The following TMEM154 variants were observed in gnomAD, a reference collection of about 807,000 sequenced individuals.
TMEM154 encodes the protein transmembrane protein 154.
Under a neutral mutation model 24.5 loss-of-function variants are expected in TMEM154, and 27 were observed. The ratio of observed to expected loss-of-function variants is 1.10; its 90% CI spans 0.81 to 1.52. The LOEUF (loss-of-function observed/expected upper bound fraction) is 1.52. Ranked by LOEUF, TMEM154 falls within the 40% of genes most tolerant of loss-of-function variation. The pLI, the probability that TMEM154 is intolerant of heterozygous loss-of-function variation, is 0.00. For missense variants in TMEM154, 228 were observed against 213.4 expected (o/e 1.07, Z -0.43); for synonymous variants, 67 against 76.8 (o/e 0.87, Z 0.67).
chr4:152,663,781 A>G (rs1459952185), intron 1 of TMEM154, among the ~76,000 whole-genome samples: 1 of 152,278 alleles, frequency 6.6e-6, no homozygotes, highest in East Asian at 1.9e-4. Context: ...CAAAAATCTT[A>G]AGATCACTTG....
chr4:152,650,270 C>G (rs1302892710), intron 3 of TMEM154, among the ~76,000 whole-genome samples: 4 of 152,168 alleles, frequency 2.6e-5, no homozygotes, highest in African/African-American at 9.7e-5. Flanking sequence ...TCTCACAAAA[C>G]CTGCCGCTGC....
intron 3 of TMEM154, 86 bp from the exon 4 acceptor site, chr4:152,644,528 CAA>C: frequency 7.7e-7 from 1 of 1,301,454 alleles, no homozygotes; most frequent in East Asian, 2.3e-5. Context: ...GTCTCCTTTA[CAA>C]AGAGAGCAAA....
intron 6 of TMEM154, chr4:152,639,632 G>A (rs369413540): frequency 4.9e-4 from 74 of 151,976 alleles, no homozygotes; most frequent in African/African-American, 1.7e-3. Flanking sequence ...TTTAGAGACA[G>A]GGTCTTGCTC....
At chr4:152,669,680 T>G (rs1728787780) in intron 1 of TMEM154, 1 of 152,222 alleles carries the variant, frequency 6.6e-6, no homozygotes, top group Admixed American at 6.5e-5. Context: ...CATTTAGTGT[T>G]GTCAGGGAAT....
intron 3 of TMEM154, among the ~76,000 whole-genome samples, chr4:152,647,849 G>A (rs1728293484): frequency 6.6e-6 from 1 of 152,118 alleles, no homozygotes; most frequent in Admixed American, 6.5e-5. Flanking sequence ...TATTGAATTT[G>A]CCCATTTTAC....
chr4:152,631,082 T>C lies in TMEM154; in HGVS notation c.537-2521A>G, dbSNP rs530881899. 4.6e-5 allele frequency among the ~76,000 whole-genome samples: 7 copies of C among 152,348 alleles called. No homozygotes were observed. The South Asian group carries it at 1.4e-3, about 32-fold the overall frequency. On this transcript the variant is annotated intron_variant, in intron 6 of 6. Transcript: ENST00000304385. The stretch of plus-strand genomic sequence containing the variant: ...TTGCTACATCTTTGGAAACTTCCAA[T>C]AGTTACCTTTGCATGTATCTCTAGA...
chr4:152,629,611 G>C (rs1413863034), intron 6 of TMEM154, among the ~76,000 whole-genome samples: 1 of 152,104 alleles, frequency 6.6e-6, no homozygotes, highest in African/African-American at 2.4e-5. Flanking sequence ...TCACATCCTA[G>C]CAGGCCTCTA....
At chr4:152,679,128 G>A (rs542361524) in intron 1 of TMEM154, among the ~76,000 whole-genome samples, 1 of 152,310 alleles carries the variant, frequency 6.6e-6, no homozygotes, top group East Asian at 1.9e-4. Flanking sequence ...ACTGGCAAGG[G>A]TGTAAATCAG....
intron 1 of TMEM154, among the ~76,000 whole-genome samples, chr4:152,664,385 T>C (rs975585542): frequency 7.5e-6 from 1 of 132,618 alleles, no homozygotes; most frequent in Non-Finnish European, 1.6e-5. Context: ...GGCGGGGGGG[T>C]ACAAGGGGAG....
At chr4:152,648,109 G>A (rs1037137279) in intron 3 of TMEM154, among the ~76,000 whole-genome samples, 6 of 152,220 alleles carry the variant, frequency 3.9e-5, no homozygotes, top group African/African-American at 1.4e-4. Flanking sequence ...AACAAAGAGT[G>A]TGAACAAAGT....
chr4:152,662,865 G>A (rs1436543942), intron 1 of TMEM154, among the ~76,000 whole-genome samples: 2 of 152,164 alleles, frequency 1.3e-5, no homozygotes, highest in African/African-American at 4.8e-5. Context: ...GAACCCTCCA[G>A]AACACACAGG....
In TMEM154 at chr4:152,652,859, T is replaced by C. The variant is rs908348554; in HGVS notation, c.133A>G (p.Ile45Val). The C allele has an allele frequency of 8.1e-6, 13 of 1,613,884 alleles. No individual in the cohort carries two copies. Among genetic ancestry groups the C allele is most frequent in the East Asian group, 2.2e-5 (1 of 44,852 alleles). ...VESERPNKVT[I>V]PSTFAAVTIK... is the part of the protein sequence containing the mutation. ...GTCACTGCAGCAAATGTGCTTGGAATAGTCACTTTATTTGGTCTTTCAGAT... is the reference window on the plus strand; with the variant it reads ...GTCACTGCAGCAAATGTGCTTGGAACAGTCACTTTATTTGGTCTTTCAGAT... The change falls in exon 2 of 7, where the codon ATT (isoleucine) becomes GTT (valine). Residue 45 changes from isoleucine to valine, a missense_variant. By Grantham distance (29) the Ile-to-Val change is conservative. Coordinates refer to ENST00000304385, the MANE Select transcript of TMEM154 (RefSeq NM_152680.3).
chr4:152,663,846 A>G (rs1728664667), intron 1 of TMEM154, among the ~76,000 whole-genome samples: 1 of 152,268 alleles, frequency 6.6e-6, no homozygotes, highest in South Asian at 2.1e-4. Context: ...GACAATATTC[A>G]CGCAGACACA....
In TMEM154 at chr4:152,675,143, C is replaced by T. The variant is rs182962381; in HGVS notation, c.64+4727G>A. 3.5e-3 allele frequency among the ~76,000 whole-genome samples: 365 copies of T among 104,790 alleles called. 1 individual carries two copies. Among genetic ancestry groups the T allele is most frequent in the African/African-American group, 0.013 (348 of 27,138 alleles). 68.7% of individuals were successfully genotyped at this position (104,790 alleles called of 152,430 possible). On this transcript the variant is annotated intron_variant, in intron 1 of 6. Coordinates refer to ENST00000304385, the MANE Select transcript of TMEM154 (RefSeq NM_152680.3). ...CTGTGCTCCAGCCTGGGCAGCAGAG[C>T]GAGGCTCCATCTCAAAAAAAAAAAA... is the stretch of plus-strand genomic sequence containing the variant.
intron 5 of TMEM154, among the ~76,000 whole-genome samples, chr4:152,642,400 GA>G (rs966990205): frequency 9.9e-5 from 15 of 151,892 alleles, no homozygotes; most frequent in Admixed American, 9.8e-4. Context: ...AAGGGAATTT[GA>G]AAAAGAAAAA....
In TMEM154 at chr4:152,624,445, C is replaced by G. The variant is rs977217889; in HGVS notation, c.*4101G>C. ...TGAAACCCTATCTGTACAAAAGATACAAAAAATTAGCCAGTCCTAGTAGTG... is the reference window on the plus strand; with the variant it reads ...TGAAACCCTATCTGTACAAAAGATAGAAAAAATTAGCCAGTCCTAGTAGTG... On this transcript the variant is annotated 3_prime_UTR_variant, in exon 7 of 7. Transcript: ENST00000304385. 6.6e-6 allele frequency: 1 copy of G among 151,716 alleles called. No individual in the cohort carries two copies. The highest frequency in any genetic ancestry group is 2.4e-5 in the African/African-American group (1 of 41,274). 9.4% of individuals were successfully genotyped at this position (151,716 alleles called of 1,614,324 possible). A position where few individuals can be genotyped will look rare whatever the true frequency, so the allele number is the denominator to read the frequency against.
At chr4:152,677,973 C>T (rs1040499943) in intron 1 of TMEM154, among the ~76,000 whole-genome samples, 1 of 152,104 alleles carries the variant, frequency 6.6e-6, no homozygotes, top group African/African-American at 2.4e-5. Flanking sequence ...TTAGGTCTAT[C>T]GGGGCACAGC....
chr4:152,640,876 TCCCCCCG>T, intron 6 of TMEM154, 45 bp downstream of exon 6: 11 of 1,113,512 alleles, frequency 9.9e-6, no homozygotes, highest in Non-Finnish European at 1.3e-5. Flanking sequence ...TGGTTCCCAA[TCCCCCCG>T]CCCCCCGCCA....
chr4:152,630,598 T>G (rs1180273469), intron 6 of TMEM154, among the ~76,000 whole-genome samples: 6 of 152,188 alleles, frequency 3.9e-5, no homozygotes, highest in Non-Finnish European at 7.3e-5. Context: ...TGAAGCAGAG[T>G]ATAATATACA....
Sources: allele counts gnomAD v4.1 joint callset (sites outside exome capture counted in the v4.1 genomes callset), GRCh38; gene constraint gnomAD v4.1.1; transcripts MANE v1.5; gene names NCBI Gene and HGNC (gene_info 2026-07-23, HGNC 2026-07-21).